LRP1B: variants seen among roughly 807,000 people sequenced by gnomAD.
LRP1B encodes low-density lipoprotein receptor-related protein 1B.
Under a neutral mutation model 556.6 loss-of-function variants are expected in LRP1B, and 217 were observed. The observed-to-expected ratio is 0.39, with a 90% confidence interval of 0.35 to 0.44. The LOEUF is 0.44. Ranked by LOEUF, LRP1B falls within the 20% of genes least tolerant of loss-of-function variation. The probability of loss-of-function intolerance (pLI) is 1.00; values close to 1 mark genes in which losing one functional copy is unlikely to be tolerated. For missense variants in LRP1B, 5,053 were observed against 5,620.8 expected, an observed-to-expected ratio of 0.90 and a Z score of 3.23; for synonymous variants, 2,047 against 1,865.8, an observed-to-expected ratio of 1.10 and a Z score of -2.50.
chr2:141,160,228 A>G (rs750757865), intron 7 of LRP1B, among the ~76,000 whole-genome samples: 2 of 152,186 alleles, frequency 1.3e-5, no homozygotes, highest in Non-Finnish European at 2.9e-5. Context: ...CTATGTGCCT[A>G]TTTGAATTGC....
intron 79 of LRP1B, among the ~76,000 whole-genome samples, chr2:140,327,799 T>C (rs754978586): frequency 2.0e-4 from 31 of 152,078 alleles, no homozygotes; most frequent in Non-Finnish European, 4.0e-4. Flanking sequence ...ACATATTGCA[T>C]TGTTGGTCTA....
At chr2:140,760,109 T>C (rs960403725) in intron 35 of LRP1B, among the ~76,000 whole-genome samples, 1 of 152,092 alleles carries the variant, frequency 6.6e-6, no homozygotes, top group South Asian at 2.1e-4. Context: ...ACTCATGACA[T>C]GAAAAGCTAG....
At chr2:140,481,341 T>G (rs1272615648) in intron 59 of LRP1B, among the ~76,000 whole-genome samples, 1 of 152,028 alleles carries the variant, frequency 6.6e-6, no homozygotes, top group African/African-American at 2.4e-5. Flanking sequence ...ATAGGAAAAA[T>G]CTGGGACCAA....
chr2:141,798,209 A>G (rs981531919), intron 2 of LRP1B, among the ~76,000 whole-genome samples: 2 of 151,636 alleles, frequency 1.3e-5, no homozygotes, highest in African/African-American at 4.9e-5. Flanking sequence ...AACATGACAA[A>G]TATGTATTAG....
In LRP1B at chr2:140,577,666, C is replaced by A. The variant is rs192913172; in HGVS notation, c.7194+20965G>T. ...AAACTCCTGGGCTCAGGGGATTTTCCCCACCCCCCAGCCTCCCAAAGTGCT... is the reference window on the plus strand; with the variant it reads ...AAACTCCTGGGCTCAGGGGATTTTCACCACCCCCCAGCCTCCCAAAGTGCT... On this transcript the variant is annotated intron_variant, in intron 43 of 90. Transcript: ENST00000389484. Among the ~76,000 whole-genome samples, 196 of 151,994 alleles carry A rather than the reference C, an allele frequency of 1.3e-3. 3 individuals carry two copies. The highest frequency in any genetic ancestry group is 4.5e-3 in the African/African-American group (185 of 41,468).
At chr2:141,944,720 A>G (rs543073832) in intron 1 of LRP1B, among the ~76,000 whole-genome samples, 10 of 152,332 alleles carry the variant, frequency 6.6e-5, no homozygotes, top group Admixed American at 1.3e-4. Context: ...CAGAATGACC[A>G]GGACTAAAAA....
rs138625797 is a variant in LRP1B at position 141,531,452 on chromosome 2, G to C, written c.206-50919C>G. On this transcript the variant is annotated intron_variant, in intron 2 of 90. Coordinates refer to ENST00000389484, the MANE Select transcript of LRP1B (RefSeq NM_018557.3). Reference sequence around the variant, plus strand: ...ACTACAGGCTAAATAGCACCAATATGAATGTTTACGGCTTCATAAAATCGA... The same window carrying C: ...ACTACAGGCTAAATAGCACCAATATCAATGTTTACGGCTTCATAAAATCGA... Among the ~76,000 whole-genome samples, 1,083 of 152,102 alleles carry C rather than the reference G, an allele frequency of 7.1e-3. 8 individuals are homozygous for C. Among genetic ancestry groups the C allele is most frequent in the African/African-American group, 0.023 (967 of 41,532 alleles).
chr2:140,567,028 G>A (rs1301456344), intron 43 of LRP1B, among the ~76,000 whole-genome samples: 3 of 151,980 alleles, frequency 2.0e-5, no homozygotes, highest in African/African-American at 4.8e-5. Context: ...ACTAAGCAGC[G>A]GCACATCCCA....
At chr2:141,807,917 A>G (rs1696216053) in intron 2 of LRP1B, among the ~76,000 whole-genome samples, 1 of 152,056 alleles carries the variant, frequency 6.6e-6, no homozygotes. Context: ...TTCTAGAGAC[A>G]TGGAGTGGAC....
chr2:141,551,594 A>G (rs888642866), intron 2 of LRP1B, among the ~76,000 whole-genome samples: 1 of 152,086 alleles, frequency 6.6e-6, no homozygotes, highest in Non-Finnish European at 1.5e-5. Context: ...AGTCTGTATT[A>G]CCTTCCTTGG....
rs1364106136 is a variant in LRP1B, at chr2:140,711,879, C to T, written c.6023+4094G>A. ...GAAGGGGAAGAGAACTAGCACCCAC[C>T]TCATTTAATCCTCCCAATTAACTAA... On this transcript the variant is annotated intron_variant, in intron 37 of 90. Transcript: ENST00000389484. 2.6e-5 allele frequency among the ~76,000 whole-genome samples: 4 copies of T among 152,154 alleles called. No homozygotes were observed. In the East Asian group the frequency reaches 7.7e-4, roughly 29 times the overall value.
chr2:140,309,916 T>TTTAATTTTAAATTTTAAA (rs1179296465), intron 83 of LRP1B, among the ~76,000 whole-genome samples: 3 of 123,152 alleles, frequency 2.4e-5, no homozygotes, highest in African/African-American at 9.5e-5. Flanking sequence ...ATGTTCTCAC[T>TTTAATTTTAAATTTTAAA]TCTAAATTTT....
intron 3 of LRP1B, among the ~76,000 whole-genome samples, chr2:141,298,683 G>A (rs1686278366): frequency 1.3e-5 from 2 of 152,032 alleles, no homozygotes; most frequent in South Asian, 4.1e-4. Context: ...GGCCAGGCGT[G>A]GTGGCTCACG....
chr2:140,541,788 T>C lies in LRP1B; in HGVS notation c.7378A>G (p.Thr2460Ala), dbSNP rs764158485. ...PMGIIAVAND[T>A]NSCELSPCAL... is the part of the protein sequence containing the mutation. ...TTCTATTATAACTTACAGCTATTGG[T>C]GTCATTGGCAACAGCTATGATTCCC... Residue 2460 changes from threonine (T) to alanine (A), a missense_variant, in exon 44 of 91, where the codon ACC (threonine) becomes GCC (alanine). This residue lies in a region of LRP1B where 3,619 missense variants were observed against 3,931.9 expected (regional missense o/e 0.92). Coordinates refer to ENST00000389484, the MANE Select transcript of LRP1B (RefSeq NM_018557.3). 5 of 1,610,194 alleles carry C rather than the reference T, an allele frequency of 3.1e-6. No homozygotes were observed. The highest frequency in any genetic ancestry group is 2.2e-5 in the East Asian group (1 of 44,844).
chr2:141,235,483 G>A (rs1244365152), intron 5 of LRP1B, among the ~76,000 whole-genome samples: 1 of 152,114 alleles, frequency 6.6e-6, no homozygotes, highest in Non-Finnish European at 1.5e-5. Context: ...GTTTCCTGAT[G>A]GTGTTGGTAT....
At chr2:141,331,501 T>A (rs1687644945) in intron 3 of LRP1B, among the ~76,000 whole-genome samples, 1 of 101,856 alleles carries the variant, frequency 9.8e-6, no homozygotes, top group Non-Finnish European at 2.0e-5. Context: ...TTTCTTTCTT[T>A]CCTTCTTTCT....
chr2:140,809,776 T>C (rs549420924), intron 32 of LRP1B, among the ~76,000 whole-genome samples: 155 of 152,318 alleles, frequency 1.0e-3, no homozygotes, highest in Non-Finnish European at 1.6e-3. Flanking sequence ...GGTTACTTTA[T>C]AGCTGTTGGC....
intron 56 of LRP1B, among the ~76,000 whole-genome samples, chr2:140,493,136 G>A (rs1378224800): frequency 6.6e-6 from 1 of 152,050 alleles, no homozygotes; most frequent in Non-Finnish European, 1.5e-5. Flanking sequence ...AAGACCAAGA[G>A]TATCACTGCA....
At chr2:140,960,588 G>C (rs1449035012) in intron 18 of LRP1B, among the ~76,000 whole-genome samples, 1 of 151,490 alleles carries the variant, frequency 6.6e-6, no homozygotes, top group Non-Finnish European at 1.5e-5. Context: ...CTCAATGAAA[G>C]GGGACCTACG....
Sources: gnomAD v4.1 joint callset for allele counts (sites outside exome capture counted in the v4.1 genomes callset) on GRCh38, gnomAD v4.1.1 for gene constraint, gnomAD v4.1.1 regional missense constraint, MANE v1.5 for transcripts, NCBI Gene and HGNC (gene_info 2026-07-23, HGNC 2026-07-21) for gene names.